The following C11orf65 variants were observed in gnomAD, a reference collection of about 807,000 sequenced individuals.
C11orf65 encodes protein MFI.
In C11orf65, 38 loss-of-function variants were observed where a neutral mutation model predicts 35.3. The ratio of observed to expected loss-of-function variants is 1.08; its 90% CI spans 0.83 to 1.41. The LOEUF (loss-of-function observed/expected upper bound fraction) is 1.41. Ranked by LOEUF, C11orf65 falls within the 40% of genes most tolerant of loss-of-function variation. C11orf65 has a pLI of 0.00. For missense variants in C11orf65, 370 were observed against 367.1 expected (o/e 1.01, Z -0.06); for synonymous variants, 105 against 114.4 (o/e 0.92, Z 0.53).
downstream of C11orf65, among the ~76,000 whole-genome samples, chr11:108,381,391 G>T (rs2091862276): frequency 6.6e-6 from 1 of 152,162 alleles, no homozygotes; most frequent in African/African-American, 2.4e-5. Context: ...ACTGAACCTA[G>T]AACTATGATT....
chr11:108,372,552 G>T (rs1443707672), intron 2 of C11orf65, among the ~76,000 whole-genome samples: 1 of 152,200 alleles, frequency 6.6e-6, no homozygotes, highest in Non-Finnish European at 1.5e-5. Context: ...AGTTGCAAAG[G>T]TTTTAAGACA....
Position 108,326,095 on chromosome 11 carries a change from A to C in C11orf65, c.641-17024T>G. On this transcript the variant is annotated intron_variant, in intron 6 of 6. Coordinates refer to the C11orf65 transcript ENST00000525729. ...GCAATATTTCAAATTAAACAGTACA[A>C]TTCAGTTAGCTGTGGAGTCTCTGAG... 2 of 1,614,146 alleles carry C rather than the reference A, an allele frequency of 1.2e-6. No homozygotes were observed. Among genetic ancestry groups the C allele is most frequent in the Non-Finnish European group, 1.7e-6 (2 of 1,180,012 alleles).
At chr11:108,452,384 C>A (rs927022219) in intron 2 of C11orf65, among the ~76,000 whole-genome samples, 9 of 152,236 alleles carry the variant, frequency 5.9e-5, no homozygotes, top group South Asian at 4.2e-4. Context: ...ATGCAGCCAA[C>A]AGACACATGA....
intron 6 of C11orf65, chr11:108,321,245 A>C: frequency 1.2e-6 from 2 of 1,606,782 alleles, no homozygotes; most frequent in Non-Finnish European, 1.7e-6. Context: ...TTAAACATTT[A>C]TTTCCCTGAA....
At chr11:108,380,888 T>A (rs2091853591), downstream of C11orf65, among the ~76,000 whole-genome samples, 1 of 152,226 alleles carries the variant, frequency 6.6e-6, no homozygotes, top group Non-Finnish European at 1.5e-5. Flanking sequence ...TCTAAGGACC[T>A]ATAAAATGCA....
chr11:108,341,083 G>A (rs937714866), intron 2 of C11orf65, among the ~76,000 whole-genome samples: 27 of 151,926 alleles, frequency 1.8e-4, no homozygotes, highest in African/African-American at 6.3e-4. Flanking sequence ...ATCTGCCTCT[G>A]CTGTTCTCCC....
At chr11:108,398,189 G>A (rs2092363837) in intron 6 of C11orf65, among the ~76,000 whole-genome samples, 1 of 152,194 alleles carries the variant, frequency 6.6e-6, no homozygotes, top group Non-Finnish European at 1.5e-5. Flanking sequence ...ATACAGAGAA[G>A]ACGAAGGGAC....
chr11:108,385,782 G>A, intron 8 of C11orf65, 138 bp downstream of exon 8: 1 of 678,094 alleles, frequency 1.5e-6, no homozygotes, highest in Non-Finnish European at 2.6e-6. Context: ...ACATACAAAG[G>A]TAAAAATGAC....
downstream of C11orf65, chr11:108,327,801 A>T: frequency 3.0e-6 from 4 of 1,341,876 alleles, no homozygotes; most frequent in Non-Finnish European, 3.2e-6. Flanking sequence ...ACTTAGCATG[A>T]ATATGCTTCA....
rs558865077 is a variant in C11orf65 at position 108,373,092 on chromosome 11, TAAAA to T, written c.226+20112_226+20115del. On this transcript the variant is annotated intron_variant, in intron 2 of 3. Transcript: ENST00000524755. ...AGACTGTCTCATAAAAAAAAAAAAT[TAAAA>T]GAAAGAAAACTAAAGACCAATATCC... Among the ~76,000 whole-genome samples, 141 of 151,250 alleles carry T rather than the reference TAAAA, an allele frequency of 9.3e-4. 1 individual carries two copies. Among genetic ancestry groups the T allele is most frequent in the African/African-American group, 3.0e-3 (123 of 41,238 alleles).
In C11orf65 at chr11:108,415,436, C is replaced by T. The variant is rs993892264; in HGVS notation, c.175-8287G>A. Reference sequence around the variant, plus strand: ...ATCGATATGAGGGAAACTACAAGACCGTGATGAAGGAAATCAAAGAAGATT... The same window carrying T: ...ATCGATATGAGGGAAACTACAAGACTGTGATGAAGGAAATCAAAGAAGATT... On this transcript the variant is annotated intron_variant, in intron 3 of 8. Transcript: ENST00000393084. Among the ~76,000 whole-genome samples, 3 of 152,058 alleles carry T rather than the reference C, an allele frequency of 2.0e-5. No homozygotes were observed. The East Asian group carries it at 5.8e-4, about 29-fold the overall frequency.
chr11:108,332,155 C>T (rs1234236410), intron 3 of C11orf65: 19 of 1,297,936 alleles, frequency 1.5e-5, no homozygotes, highest in Admixed American at 4.1e-5. Context: ...AAGGCTGGCA[C>T]GGTGGCTCAC....
rs2136701769 is a variant in C11orf65 at position 108,335,970 on chromosome 11, T to C, written c.227-678A>G. ...CTATCTGTACTTATAAGGTAACTAT[T>C]TGTACTTCTGTTAGTTCACCAAAAA... On this transcript the variant is annotated intron_variant, in intron 2 of 3. Transcript: ENST00000524755. 1 of 1,584,714 alleles carries C rather than the reference T, an allele frequency of 6.3e-7. No individual in the cohort carries two copies. The highest frequency in any genetic ancestry group is 1.3e-5 in the African/African-American group (1 of 74,410).
At chr11:108,331,421 TTG>T in exon 4 of C11orf65, 1 of 1,609,462 alleles carries the variant, frequency 6.2e-7, no homozygotes, top group African/African-American at 1.3e-5. Flanking sequence ...TTTCTTAATT[TTG>T]TGTCTTTTTT....
intron 2 of C11orf65, among the ~76,000 whole-genome samples, chr11:108,438,790 G>A (rs948534695): frequency 6.6e-6 from 1 of 152,088 alleles, no homozygotes; most frequent in African/African-American, 2.4e-5. Context: ...CAGATCACTT[G>A]AGGTCAGGAG....
At chr11:108,329,233 A>T (rs752125292), downstream of C11orf65, 7 of 1,611,898 alleles carry the variant, frequency 4.3e-6, no homozygotes, top group South Asian at 7.7e-5. Flanking sequence ...AAATTCAGAC[A>T]AACAGGTAAC....
At chr11:108,463,462 T>C (rs550215647) in intron 1 of C11orf65, among the ~76,000 whole-genome samples, 20 of 152,140 alleles carry the variant, frequency 1.3e-4, no homozygotes, top group Non-Finnish European at 2.4e-4. Context: ...AAAAAACTTA[T>C]GTCTTTTTTG....
chr11:108,425,477 A>G (rs1322532157), intron 3 of C11orf65, among the ~76,000 whole-genome samples: 2 of 152,194 alleles, frequency 1.3e-5, no homozygotes, highest in African/African-American at 2.4e-5. Flanking sequence ...TAGACCAATA[A>G]CAAGTTCTGA....
chr11:108,346,722 GT>G (rs1012169097), intron 2 of C11orf65: 4 of 156,784 alleles, frequency 2.6e-5, no homozygotes, highest in Non-Finnish European at 5.6e-5. Context: ...TACCCAGTGT[GT>G]TTTTTTGTAA....
Sources: gnomAD v4.1 joint callset for allele counts (sites outside exome capture counted in the v4.1 genomes callset) on GRCh38, gnomAD v4.1.1 for gene constraint, MANE v1.5 for transcripts, NCBI Gene and HGNC (gene_info 2026-07-23, HGNC 2026-07-21) for gene names.